USP34: variants seen among roughly 807,000 people sequenced by gnomAD.
The protein encoded by USP34 is ubiquitin carboxyl-terminal hydrolase 34.
Under a neutral mutation model 460.3 loss-of-function variants are expected in USP34, and 70 were observed. The ratio of observed to expected loss-of-function variants is 0.15; its 90% confidence interval spans 0.13 to 0.19. USP34 has a LOEUF of 0.19. Ranked by LOEUF, USP34 falls within the 10% of genes least tolerant of loss-of-function variation. The pLI is 1.00. For synonymous variants in USP34, 1,647 were observed against 1,405.3 expected (o/e 1.17, Z -3.85); for missense variants, 3,985 against 4,236.2 (o/e 0.94, Z 1.65).
intron 33 of USP34, among the ~76,000 whole-genome samples, chr2:61,292,659 G>GCAAAA (rs1407147278): frequency 2.6e-5 from 4 of 151,936 alleles, no homozygotes; most frequent in Non-Finnish European, 5.9e-5. Flanking sequence ...TTCAAAAAAA[G>GCAAAA]CAAAACAAAA....
intron 2 of USP34, among the ~76,000 whole-genome samples, chr2:61,407,686 T>A (rs1436687967): frequency 1.3e-5 from 2 of 152,204 alleles, no homozygotes; most frequent in East Asian, 3.8e-4. Context: ...TGAGACTAGG[T>A]CATAAAAGAC....
At chr2:61,431,803 G>A (rs1694683922) in intron 1 of USP34, among the ~76,000 whole-genome samples, 1 of 152,052 alleles carries the variant, frequency 6.6e-6, no homozygotes, top group South Asian at 2.1e-4. Flanking sequence ...GCAGTGAGCT[G>A]AAATCGCACC....
Position 61,470,767 on chromosome 2 carries a change from AGAGGCGGAG to A in USP34, c.-84_-76del. ...TCCCGACCGGCGGGGGGGAGGGGAG[AGAGGCGGAG>A]GAGGGGGCCGGCCGGCCGGCGGGGC... On this transcript the variant is annotated 5_prime_UTR_variant, in exon 1 of 80. Coordinates refer to ENST00000398571, the MANE Select transcript of USP34 (RefSeq NM_014709.4). 8.7e-7 allele frequency: 1 copy of A among 1,151,538 alleles called. No homozygotes were observed. Among genetic ancestry groups the A allele is most frequent in the South Asian group, 1.4e-5 (1 of 72,090 alleles). The allele number at this position is 1,151,538 out of a possible 1,614,324, so 71.3% of individuals were successfully genotyped here.
chr2:61,335,988 A>C (rs1347375488), intron 18 of USP34, among the ~76,000 whole-genome samples: 1 of 152,140 alleles, frequency 6.6e-6, no homozygotes, highest in East Asian at 1.9e-4. Flanking sequence ...CATATGGATG[A>C]TTTTGCCTAA....
At chr2:61,446,603 C>G (rs370285225) in intron 1 of USP34, among the ~76,000 whole-genome samples, 4 of 151,930 alleles carry the variant, frequency 2.6e-5, no homozygotes, top group African/African-American at 9.7e-5. Flanking sequence ...CGAGACCAGC[C>G]TGGCCAACAT....
At chr2:61,320,804 G>A (rs910230638) in intron 21 of USP34, among the ~76,000 whole-genome samples, 4 of 152,206 alleles carry the variant, frequency 2.6e-5, no homozygotes, top group African/African-American at 9.6e-5. Flanking sequence ...AAGGTCAGGA[G>A]TTCAGAACCA....
At chr2:61,440,917 G>A (rs1694946755) in intron 1 of USP34, among the ~76,000 whole-genome samples, 1 of 151,792 alleles carries the variant, frequency 6.6e-6, no homozygotes, top group South Asian at 2.1e-4. Context: ...CATGAGGTCA[G>A]GAGATCGAGA....
At chr2:61,449,143 A>AGGAGGGAAT (rs988315458) in intron 1 of USP34, among the ~76,000 whole-genome samples, 2 of 130,268 alleles carry the variant, frequency 1.5e-5, no homozygotes, top group African/African-American at 5.8e-5. Context: ...GGCAACAGGA[A>AGGAGGGAAT]GGAGGGAATG....
chr2:61,241,797 G>C lies in USP34; in HGVS notation c.6650C>G (p.Thr2217Arg), dbSNP rs1457490039. ...EMTTKTYDSVTDKFMDFSFEK... is the reference protein window; with the variant it reads ...EMTTKTYDSVRDKFMDFSFEK... Reference sequence around the variant, plus strand: ...AAAAGAGAAGTCCATAAATTTATCTGTAACAGAATCATAGGTCTTGGTCTG... The same window carrying C: ...AAAAGAGAAGTCCATAAATTTATCTCTAACAGAATCATAGGTCTTGGTCTG... The change falls in exon 52 of 80, where the codon ACA becomes AGA. Residue 2217 changes from threonine to arginine, a missense_variant. By Grantham distance (71) the Thr-to-Arg change is moderately conservative (BLOSUM62 -1). This residue lies in a region of USP34 where 604 missense variants were observed against 684.8 expected (regional missense o/e 0.88). Transcript: ENST00000398571. 6.5e-7 allele frequency: 1 copy of C among 1,537,576 alleles called. No individual in the cohort carries two copies. Among genetic ancestry groups the C allele is most frequent in the South Asian group, 1.2e-5 (1 of 80,612 alleles).
intron 18 of USP34, among the ~76,000 whole-genome samples, chr2:61,336,403 C>T (rs543736107): frequency 2.6e-5 from 4 of 151,846 alleles, no homozygotes; most frequent in South Asian, 2.1e-4. Flanking sequence ...TGGACTTACA[C>T]GCGTGAGACA....
chr2:61,242,458 TACACACACACACACACACACACAC>T (rs67471702), intron 51 of USP34, among the ~76,000 whole-genome samples: 3 of 129,778 alleles, frequency 2.3e-5, no homozygotes, highest in East Asian at 4.7e-4. Flanking sequence ...AGATAATACA[TACACACACACACACACACACACAC>T]ACACACACAC....
intron 57 of USP34, among the ~76,000 whole-genome samples, chr2:61,233,577 G>A (rs1186759563): frequency 6.6e-6 from 1 of 152,084 alleles, no homozygotes; most frequent in Non-Finnish European, 1.5e-5. Context: ...TGTAATCTCA[G>A]CACTCTGGGA....
intron 27 of USP34, among the ~76,000 whole-genome samples, chr2:61,303,123 G>C (rs1690280512): frequency 6.6e-6 from 1 of 151,854 alleles, no homozygotes; most frequent in Non-Finnish European, 1.5e-5. Context: ...CTGGAGTGCA[G>C]TGGCTCAATC....
chr2:61,404,949 C>CA (rs1383461339), intron 3 of USP34, among the ~76,000 whole-genome samples: 1 of 151,944 alleles, frequency 6.6e-6, no homozygotes, highest in Non-Finnish European at 1.5e-5. Context: ...ATTACTTAGC[C>CA]AGGGGTGGTG....
chr2:61,269,916 A>T (rs1689163388), intron 41 of USP34, among the ~76,000 whole-genome samples: 1 of 152,122 alleles, frequency 6.6e-6, no homozygotes, highest in Non-Finnish European at 1.5e-5. Flanking sequence ...TTTTATTGGG[A>T]ATATTTCAAA....
At chr2:61,406,442 A>C (rs1208973852) in intron 2 of USP34, among the ~76,000 whole-genome samples, 1 of 152,184 alleles carries the variant, frequency 6.6e-6, no homozygotes, top group Non-Finnish European at 1.5e-5. Context: ...TCAAGTACTC[A>C]ATATATGTTT....
At chr2:61,395,369 C>G (rs1163279197) in intron 3 of USP34, 136 bp from the exon 4 acceptor site, 4 of 624,908 alleles carry the variant, frequency 6.4e-6, no homozygotes, top group Non-Finnish European at 1.1e-5. Context: ...AGCAGTGATA[C>G]TCCTAACTGA....
At chr2:61,468,420 T>C (rs1031171990) in intron 1 of USP34, among the ~76,000 whole-genome samples, 3 of 152,200 alleles carry the variant, frequency 2.0e-5, no homozygotes, top group Non-Finnish European at 2.9e-5. Context: ...CAACCTCAGG[T>C]GATCCGCCAA....
At chr2:61,462,704 T>C (rs1484189685) in intron 1 of USP34, among the ~76,000 whole-genome samples, 3 of 150,684 alleles carry the variant, frequency 2.0e-5, no homozygotes, top group Non-Finnish European at 4.4e-5. Context: ...CTACTAAATA[T>C]ACAAAAATTA....
Sources: gnomAD v4.1 joint callset for allele counts (sites outside exome capture counted in the v4.1 genomes callset) on GRCh38, gnomAD v4.1.1 for gene constraint, gnomAD v4.1.1 regional missense constraint, MANE v1.5 for transcripts, NCBI Gene and HGNC (gene_info 2026-07-23, HGNC 2026-07-21) for gene names.